The following STXBP6 variants were observed in gnomAD, a reference collection of about 807,000 sequenced individuals.
STXBP6 encodes syntaxin binding protein 6.
A neutral mutation model predicts 26.9 loss-of-function variants in STXBP6; 21 were observed. The ratio of observed to expected loss-of-function variants is 0.78; its 90% CI spans 0.55 to 1.12. STXBP6 has a LOEUF of 1.12. Ranked by LOEUF, STXBP6 falls within the 50% of genes most tolerant of loss-of-function variation. The pLI is 0.00. For synonymous variants in STXBP6, 97 were observed against 92.6 expected, an observed-to-expected ratio of 1.05 and a Z score of -0.27; for missense variants, 232 against 257.9, an observed-to-expected ratio of 0.90 and a Z score of 0.69.
intron 2 of STXBP6, among the ~76,000 whole-genome samples, chr14:24,921,785 GACT>G (rs1026394536): frequency 2.0e-5 from 3 of 152,092 alleles, no homozygotes; most frequent in Admixed American, 6.6e-5. Context: ...CTATGTTATT[GACT>G]ACTACTATGT....
intron 1 of STXBP6, among the ~76,000 whole-genome samples, chr14:24,985,430 T>C (rs2074306649): frequency 6.6e-6 from 1 of 152,216 alleles, no homozygotes; most frequent in Admixed American, 6.5e-5. Context: ...CGCTTAAATA[T>C]GAAAGGCACA....
chr14:25,033,603 C>T (rs72682977), intron 1 of STXBP6, among the ~76,000 whole-genome samples: 2,928 of 152,258 alleles, frequency 0.019, 40 homozygotes, highest in Non-Finnish European at 0.028. Flanking sequence ...ATTCCATCAC[C>T]TCCATAATGC....
intron 2 of STXBP6, among the ~76,000 whole-genome samples, chr14:24,903,483 A>G (rs528259507): frequency 6.6e-6 from 1 of 152,270 alleles, no homozygotes; most frequent in African/African-American, 2.4e-5. Context: ...AACAGTGTTC[A>G]TCTTGATTTT....
chr14:24,825,106 A>C (rs1475006481), intron 4 of STXBP6, among the ~76,000 whole-genome samples: 2 of 152,202 alleles, frequency 1.3e-5, no homozygotes, highest in East Asian at 3.8e-4. Context: ...AAACTGAATG[A>C]AAAGGAGGTA....
At position 25,049,341 on chromosome 14, in the gene STXBP6, G is replaced by A; in HGVS notation, c.-33+537C>T. 5.1e-6 allele frequency: 5 copies of A among 985,430 alleles called. No individual in the cohort carries two copies. The highest frequency in any genetic ancestry group is 6.0e-6 in the Non-Finnish European group (5 of 829,944). The allele number at this position is 985,430 out of a possible 1,614,324, so 61.0% of individuals were successfully genotyped here. The stretch of plus-strand genomic sequence containing the variant: ...GGCATCGCCCAGGGCCAGCGCCCTG[G>A]GGGCAGGGTGCCGTGCCCGCCAGAA... On this transcript the variant is annotated intron_variant, in intron 1 of 5. Coordinates refer to ENST00000323944, the MANE Select transcript of STXBP6 (RefSeq NM_001394410.1). This position sits in a 1 kb window ranked among gnomAD's most constrained non-coding sequence, Gnocchi z 5.6.
At chr14:24,962,189 A>G (rs566370627) in intron 2 of STXBP6, among the ~76,000 whole-genome samples, 88 of 152,226 alleles carry the variant, frequency 5.8e-4, no homozygotes, top group Non-Finnish European at 1.2e-3. Flanking sequence ...CCCTAAAGCG[A>G]GCAGGCATTA....
chr14:24,900,012 G>A (rs960392344), intron 2 of STXBP6, among the ~76,000 whole-genome samples: 16 of 152,108 alleles, frequency 1.1e-4, no homozygotes, highest in Non-Finnish European at 1.9e-4. Flanking sequence ...ACACCACACA[G>A]CAAATTATCT....
chr14:24,935,060 G>A (rs576802781), intron 2 of STXBP6, among the ~76,000 whole-genome samples: 1 of 152,256 alleles, frequency 6.6e-6, no homozygotes, highest in African/African-American at 2.4e-5. Context: ...CTCTAAAAGA[G>A]ACTGATCTTC....
At position 25,018,817 on chromosome 14, in the gene STXBP6, C is replaced by A. The variant is rs558916693; in HGVS notation, c.-33+31061G>T. On this transcript the variant is annotated intron_variant, in intron 1 of 5. Transcript: ENST00000323944. ...TTTATAAAATTCTTCAATGTAGGATCTTTCTGATCAACCACCCAGGCCCAA... is the reference window on the plus strand; with the variant it reads ...TTTATAAAATTCTTCAATGTAGGATATTTCTGATCAACCACCCAGGCCCAA... Among the ~76,000 whole-genome samples the A allele has an allele frequency of 3.9e-5, 6 of 152,310 alleles. No individual in the cohort carries two copies. In the South Asian group the frequency reaches 1.2e-3, roughly 32 times the overall value.
At chr14:24,866,193 A>G (rs1285862634) in intron 2 of STXBP6, among the ~76,000 whole-genome samples, 1 of 152,130 alleles carries the variant, frequency 6.6e-6, no homozygotes, top group African/African-American at 2.4e-5. Flanking sequence ...GACCTCCCCA[A>G]GCAAGAAGGA....
At chr14:24,947,229 T>TCA (rs10662191) in intron 2 of STXBP6, among the ~76,000 whole-genome samples, 115,850 of 151,920 alleles carry the variant, frequency 0.76, 44,541 homozygotes, top group African/African-American at 0.84. Context: ...GCAAAATAAT[T>TCA]CAGTTTTCTG....
intron 2 of STXBP6, among the ~76,000 whole-genome samples, chr14:24,935,414 C>T (rs1305153005): frequency 6.6e-6 from 1 of 152,132 alleles, no homozygotes; most frequent in Non-Finnish European, 1.5e-5. Context: ...CAACATCCGT[C>T]CCCTGACCAA....
intron 2 of STXBP6, among the ~76,000 whole-genome samples, chr14:24,902,654 TTC>T (rs1175961183): frequency 9.5e-6 from 1 of 105,238 alleles, no homozygotes; most frequent in African/African-American, 3.0e-5. Flanking sequence ...ATTTGTCTCT[TTC>T]TTTCCATTAG....
At chr14:24,976,879 T>C (rs2074060667) in intron 1 of STXBP6, among the ~76,000 whole-genome samples, 2 of 142,896 alleles carry the variant, frequency 1.4e-5, no homozygotes, top group South Asian at 4.5e-4. Flanking sequence ...TTTTTTTTTT[T>C]TGAGGCAGAG....
intron 1 of STXBP6, among the ~76,000 whole-genome samples, chr14:24,981,746 G>C (rs755331765): frequency 1.3e-5 from 2 of 152,094 alleles, no homozygotes; most frequent in East Asian, 3.9e-4. Context: ...GTGTGTTACA[G>C]ATGCATGTTT....
intron 5 of STXBP6, chr14:24,817,785 C>T: frequency 6.8e-6 from 2 of 293,676 alleles, no homozygotes; most frequent in East Asian, 8.8e-5. Context: ...GCAGGGCTGT[C>T]TGCATTTTCA....
intron 2 of STXBP6, among the ~76,000 whole-genome samples, chr14:24,925,124 C>T (rs1007970305): frequency 2.6e-4 from 40 of 152,210 alleles, no homozygotes; most frequent in African/African-American, 9.2e-4. Flanking sequence ...ATGGGTGAGA[C>T]TTCACCTTAC....
chr14:24,991,723 GAA>G (rs2074479846), intron 1 of STXBP6, among the ~76,000 whole-genome samples: 1 of 152,176 alleles, frequency 6.6e-6, no homozygotes, highest in South Asian at 2.1e-4. Context: ...ACAAAAGAAA[GAA>G]AAGGAAAGAA....
rs183746841 is a variant in STXBP6 at position 24,954,617 on chromosome 14, C to T, written c.154+20048G>A. Among the ~76,000 whole-genome samples the T allele has an allele frequency of 1.8e-4, 28 of 152,272 alleles. No homozygotes were observed. The East Asian group carries it at 5.4e-3, about 29-fold the overall frequency. ...AGTGCGACCACAGATGTGGAACAAG[C>T]ATGTGCAGGAGGAGCTAGGGGATGA... On this transcript the variant is annotated intron_variant, in intron 2 of 5. Coordinates refer to ENST00000323944, the MANE Select transcript of STXBP6 (RefSeq NM_001394410.1).
Sources: allele counts gnomAD v4.1 joint callset (sites outside exome capture counted in the v4.1 genomes callset), GRCh38; gene constraint gnomAD v4.1.1; non-coding constraint Gnocchi (gnomAD v3.1); transcripts MANE v1.5; gene names NCBI Gene and HGNC (gene_info 2026-07-23, HGNC 2026-07-21).